BTD: variants seen among roughly 807,000 people sequenced by gnomAD.
BTD encodes the protein biocytinase.
A neutral mutation model predicts 17.7 loss-of-function variants in BTD; 13 were observed. The ratio of observed to expected loss-of-function variants is 0.74; its 90% confidence interval spans 0.48 to 1.17. BTD has a LOEUF of 1.17. Among genes scored for constraint, BTD ranks in the 50% most tolerant of loss-of-function variants. The probability of loss-of-function intolerance (pLI) is 0.00; values close to 1 mark genes in which losing one functional copy is unlikely to be tolerated. For missense variants in BTD, 674 were observed against 650.4 expected, an observed-to-expected ratio of 1.04 and a Z score of -0.39; for synonymous variants, 240 against 245.2, an observed-to-expected ratio of 0.98 and a Z score of 0.20.
chr3:15,694,170 T>G (rs1455724197), intron 3 of BTD, among the ~76,000 whole-genome samples: 1 of 151,994 alleles, frequency 6.6e-6, no homozygotes, highest in East Asian at 1.9e-4. Flanking sequence ...ACTTAAAAAA[T>G]TGTCACATTC....
chr3:15,659,521 T>G (rs1396361596), intron 3 of BTD, among the ~76,000 whole-genome samples: 1 of 152,260 alleles, frequency 6.6e-6, no homozygotes, highest in Non-Finnish European at 1.5e-5. Context: ...CTCCATCATC[T>G]CTATTTCCTT....
chr3:15,624,196 T>TC (rs2065017388), intron 1 of BTD, among the ~76,000 whole-genome samples: 1 of 152,214 alleles, frequency 6.6e-6, no homozygotes, highest in Non-Finnish European at 1.5e-5. Flanking sequence ...TGTAGATTTT[T>TC]TTATTTTTTA....
chr3:15,640,718 A>G (rs1349570012), intron 2 of BTD, among the ~76,000 whole-genome samples: 1 of 152,116 alleles, frequency 6.6e-6, no homozygotes, highest in African/African-American at 2.4e-5. Context: ...TAATGAGGGA[A>G]GTCAAGATGT....
chr3:15,649,051 A>G lies in BTD; in HGVS notation c.*3563A>G, dbSNP rs796135703. The stretch of plus-strand genomic sequence containing the variant: ...TTTTGGATTTCCAGCTTCCACAACT[A>G]TGAGACAATAAGTTTCTGTTGTTTG... On this transcript the variant is annotated 3_prime_UTR_variant, in exon 4 of 4. Transcript: ENST00000643237. Among the ~76,000 whole-genome samples, 14 of 152,320 alleles carry G rather than the reference A, an allele frequency of 9.2e-5. No homozygotes were observed. Among genetic ancestry groups the G allele is most frequent in the African/African-American group, 3.1e-4 (13 of 41,564 alleles).
chr3:15,677,309 G>A (rs2125661785), intron 3 of BTD, among the ~76,000 whole-genome samples: 1 of 152,248 alleles, frequency 6.6e-6, no homozygotes, highest in South Asian at 2.1e-4. Flanking sequence ...TGGCTTACTG[G>A]AGACTTTGAT....
intron 3 of BTD, among the ~76,000 whole-genome samples, chr3:15,695,969 G>A (rs1260212354): frequency 6.6e-6 from 1 of 152,096 alleles, no homozygotes; most frequent in Non-Finnish European, 1.5e-5. Flanking sequence ...AAAAGAGAAT[G>A]AGATATATCT....
chr3:15,676,172 C>T (rs2066914481), intron 3 of BTD: 1 of 421,644 alleles, frequency 2.4e-6, no homozygotes, highest in Non-Finnish European at 4.2e-6. Context: ...AGTGCACTGT[C>T]ACACCTTGTC....
At chr3:15,624,059 T>C (rs1351780909) in intron 1 of BTD, among the ~76,000 whole-genome samples, 1 of 152,258 alleles carries the variant, frequency 6.6e-6, no homozygotes, top group African/African-American at 2.4e-5. Flanking sequence ...GTTTACATGA[T>C]TTCTGAGAAG....
rs113636569 is a variant in BTD at position 15,665,878 on chromosome 3, A to G, written c.399+23821A>G. 3.6e-3 allele frequency among the ~76,000 whole-genome samples: 545 copies of G among 152,338 alleles called. 6 individuals carry two copies. Among genetic ancestry groups the G allele is most frequent in the African/African-American group, 0.013 (525 of 41,572 alleles). On this transcript the variant is annotated intron_variant, in intron 3 of 3. Coordinates refer to the BTD transcript ENST00000672141. ...CCAAGAATGAACATAGATGGGAGCA[A>G]CTGGAAGCACAACTCACAGCAGGTA...
intron 3 of BTD, among the ~76,000 whole-genome samples, chr3:15,697,804 T>C (rs2069876783): frequency 1.3e-5 from 2 of 152,208 alleles, no homozygotes; most frequent in Non-Finnish European, 2.9e-5. Flanking sequence ...TCAGAAGGAA[T>C]GGTACCAGCT....
At chr3:15,624,834 G>T (rs1487886564) in intron 1 of BTD, among the ~76,000 whole-genome samples, 2 of 152,146 alleles carry the variant, frequency 1.3e-5, no homozygotes, top group Admixed American at 1.3e-4. Context: ...CTGGGTTCCA[G>T]CATTTCTCGT....
intron 3 of BTD, among the ~76,000 whole-genome samples, chr3:15,661,139 G>A (rs1353780592): frequency 1.3e-5 from 2 of 151,822 alleles, no homozygotes; most frequent in Non-Finnish European, 2.9e-5. Context: ...GGTGGTGCAT[G>A]CCTGTAATCC....
intron 4 of BTD, among the ~76,000 whole-genome samples, chr3:15,718,469 C>A (rs909185041): frequency 8.5e-5 from 13 of 152,318 alleles, no homozygotes; most frequent in African/African-American, 3.1e-4. Flanking sequence ...GCATTTTACT[C>A]TAAGTGGGCC....
rs751072013 is a variant in BTD at position 15,675,871 on chromosome 3, AG to A, written c.399+33817del. Reference sequence around the variant, plus strand: ...ATCAAAAGATAAAAGCTCTAGGTTAAGGGAAGAGAATATAGAACCAACTTAC... The same window carrying A: ...ATCAAAAGATAAAAGCTCTAGGTTAAGGAAGAGAATATAGAACCAACTTAC... On this transcript the variant is annotated intron_variant, in intron 3 of 3. Coordinates refer to the BTD transcript ENST00000672141. The A allele has an allele frequency of 9.7e-6, 15 of 1,550,552 alleles. 1 individual carries two copies. Among genetic ancestry groups the A allele is most frequent in the African/African-American group, 1.4e-5 (1 of 73,242 alleles).
chr3:15,639,806 G>A (rs2065449833), intron 2 of BTD, among the ~76,000 whole-genome samples: 1 of 152,210 alleles, frequency 6.6e-6, no homozygotes, highest in Non-Finnish European at 1.5e-5. Flanking sequence ...TGTGTGTTAA[G>A]AACTTAAAAG....
chr3:15,659,639 G>A (rs553170918), intron 3 of BTD, among the ~76,000 whole-genome samples: 4 of 152,218 alleles, frequency 2.6e-5, no homozygotes, highest in South Asian at 2.1e-4. Flanking sequence ...TTTTTTATTC[G>A]TTTCCTTATC....
At chr3:15,641,507 C>T (rs370012454) in intron 2 of BTD, among the ~76,000 whole-genome samples, 5 of 152,320 alleles carry the variant, frequency 3.3e-5, no homozygotes, top group South Asian at 4.1e-4. Flanking sequence ...GAAGATACCA[C>T]GTGTGTTAAT....
intron 1 of BTD, among the ~76,000 whole-genome samples, chr3:15,627,448 A>G (rs2065095258): frequency 6.6e-6 from 1 of 152,026 alleles, no homozygotes; most frequent in Non-Finnish European, 1.5e-5. Context: ...GGCTAGTTTC[A>G]ACCTCCTGGG....
chr3:15,601,594 C>T, upstream of BTD: 12 of 1,581,356 alleles, frequency 7.6e-6, no homozygotes, highest in Non-Finnish European at 1.0e-5. Context: ...CAACCAACTG[C>T]CTTAAACAAC....
Sources: allele counts gnomAD v4.1 joint callset (sites outside exome capture counted in the v4.1 genomes callset), GRCh38; gene constraint gnomAD v4.1.1; transcripts MANE v1.5; gene names NCBI Gene and HGNC (gene_info 2026-07-23, HGNC 2026-07-21).